Variants in CCDC178 observed in about 807,000 individuals in gnomAD.
The protein encoded by CCDC178 is coiled-coil domain containing 178.
Under a neutral mutation model 117.4 loss-of-function variants are expected in CCDC178, and 126 were observed. The observed-to-expected ratio is 1.07, with a 90% CI of 0.93 to 1.24. The LOEUF (loss-of-function observed/expected upper bound fraction) is 1.24, where lower values mean the gene tolerates loss of function less well. Ranked by LOEUF, CCDC178 falls within the 50% of genes most tolerant of loss-of-function variation. The probability of loss-of-function intolerance (pLI) is 0.00; values close to 1 mark genes in which losing one functional copy is unlikely to be tolerated. For synonymous variants in CCDC178, 283 were observed against 313.4 expected (o/e 0.90, Z 1.02); for missense variants, 1,030 against 986.9 (o/e 1.04, Z -0.59).
At position 33,031,404 on chromosome 18, in the gene CCDC178, C is replaced by A. The variant is rs150326616; in HGVS notation, c.2389-56723G>T. 5.7e-4 allele frequency among the ~76,000 whole-genome samples: 87 copies of A among 152,046 alleles called. 1 individual carries two copies. The highest frequency in any genetic ancestry group is 8.2e-4 in the Non-Finnish European group (56 of 67,956). On this transcript the variant is annotated intron_variant, in intron 21 of 22. Transcript: ENST00000383096. Reference sequence around the variant, plus strand: ...TAGGAATACAGGTGCATACCCTCCACGCAGCTGCTAGATTTATTTTCTTAG... The same window carrying A: ...TAGGAATACAGGTGCATACCCTCCAAGCAGCTGCTAGATTTATTTTCTTAG...
At chr18:33,435,940 A>C (rs746838611) in intron 2 of CCDC178, among the ~76,000 whole-genome samples, 9 of 152,166 alleles carry the variant, frequency 5.9e-5, no homozygotes, top group Admixed American at 3.3e-4. Flanking sequence ...AGGACCACTG[A>C]AACTTCACAT....
chr18:33,093,744 T>C (rs534038579), intron 20 of CCDC178, among the ~76,000 whole-genome samples: 7 of 152,068 alleles, frequency 4.6e-5, no homozygotes, highest in Admixed American at 3.3e-4. Flanking sequence ...TATTTATCAA[T>C]AGCTCTAAAT....
chr18:33,216,736 T>C (rs2059170160), intron 18 of CCDC178, among the ~76,000 whole-genome samples: 1 of 152,094 alleles, frequency 6.6e-6, no homozygotes, highest in African/African-American at 2.4e-5. Context: ...TCCTGCTTTG[T>C]TTCCTTCCTT....
chr18:33,243,236 A>G (rs1408398774), intron 15 of CCDC178, among the ~76,000 whole-genome samples: 1 of 151,878 alleles, frequency 6.6e-6, no homozygotes, highest in Non-Finnish European at 1.5e-5. Flanking sequence ...AACAGAGAAT[A>G]CTGAAAAGTG....
rs34250187 is a variant in CCDC178 at position 33,024,809 on chromosome 18, ATTTT to A, written c.2389-50132_2389-50129del. 4.3e-3 allele frequency among the ~76,000 whole-genome samples: 598 copies of A among 139,484 alleles called. 3 individuals carry two copies. Among genetic ancestry groups the A allele is most frequent in the Middle Eastern group, 0.015 (4 of 272 alleles). 91.5% of individuals were successfully genotyped at this position (139,484 alleles called of 152,430 possible). On this transcript the variant is annotated intron_variant, in intron 21 of 22. Transcript: ENST00000383096. ...CAGGTGCCTGCTACCATGCTCAGCT[ATTTT>A]TTTTTTTTTTTGTATTTTTAGTAGA...
At chr18:33,059,695 T>G (rs538611496) in intron 21 of CCDC178, among the ~76,000 whole-genome samples, 11 of 152,284 alleles carry the variant, frequency 7.2e-5, no homozygotes, top group Admixed American at 1.3e-4. Flanking sequence ...CAGTATAAAC[T>G]GTCAGTACCT....
chr18:33,235,298 T>A (rs1186028680), intron 15 of CCDC178, among the ~76,000 whole-genome samples: 1 of 152,092 alleles, frequency 6.6e-6, no homozygotes, highest in Non-Finnish European at 1.5e-5. Context: ...CCACCCCCAG[T>A]ATGATTATTT....
At chr18:33,287,445 T>A (rs550260281) in intron 12 of CCDC178, among the ~76,000 whole-genome samples, 1 of 152,264 alleles carries the variant, frequency 6.6e-6, no homozygotes, top group South Asian at 2.1e-4. Flanking sequence ...TTAAAAAATA[T>A]CACTAACCTT....
intron 12 of CCDC178, among the ~76,000 whole-genome samples, chr18:33,284,830 T>C (rs1360522945): frequency 1.3e-5 from 2 of 151,954 alleles, no homozygotes; most frequent in African/African-American, 4.8e-5. Context: ...AGGAGAGAAA[T>C]TGAAGACAGA....
chr18:33,235,539 T>G (rs1387700389), intron 15 of CCDC178, among the ~76,000 whole-genome samples: 1 of 152,188 alleles, frequency 6.6e-6, no homozygotes, highest in Non-Finnish European at 1.5e-5. Context: ...TAAAATAGGC[T>G]TGAAGAAAAC....
chr18:33,111,602 C>T (rs2145132168), intron 20 of CCDC178, among the ~76,000 whole-genome samples: 1 of 151,702 alleles, frequency 6.6e-6, no homozygotes, highest in South Asian at 2.1e-4. Context: ...ACCTTTTCAC[C>T]TGCTATTTTT....
chr18:33,307,184 T>C (rs1568132746), intron 11 of CCDC178, among the ~76,000 whole-genome samples: 1 of 152,134 alleles, frequency 6.6e-6, no homozygotes, highest in East Asian at 1.9e-4. Context: ...CAGGCAGAGA[T>C]TGGAACAGTT....
intron 2 of CCDC178, among the ~76,000 whole-genome samples, chr18:33,439,055 C>T (rs192717323): frequency 1.1e-4 from 16 of 152,270 alleles, no homozygotes; most frequent in South Asian, 8.3e-4. Context: ...TTGGGACAGG[C>T]AAATTGAACC....
intron 21 of CCDC178, among the ~76,000 whole-genome samples, chr18:32,980,558 G>C (rs1446514240): frequency 2.1e-5 from 2 of 95,968 alleles, no homozygotes; most frequent in African/African-American, 8.1e-5. Context: ...GCGACAGAAC[G>C]AGACTCCGTC....
At chr18:32,961,772 C>T (rs2054708513) in intron 22 of CCDC178, among the ~76,000 whole-genome samples, 1 of 152,118 alleles carries the variant, frequency 6.6e-6, no homozygotes, top group Admixed American at 6.6e-5. Context: ...GTAATGCTTG[C>T]TCCTGGCTGC....
chr18:33,205,857 G>C (rs572123545), intron 20 of CCDC178, among the ~76,000 whole-genome samples: 1 of 152,184 alleles, frequency 6.6e-6, no homozygotes, highest in South Asian at 2.1e-4. Flanking sequence ...ACCACACCCA[G>C]GTAATTTTTG....
intron 21 of CCDC178, among the ~76,000 whole-genome samples, chr18:33,021,925 TA>T (rs2056127970): frequency 6.6e-6 from 1 of 152,214 alleles, no homozygotes; most frequent in Non-Finnish European, 1.5e-5. Flanking sequence ...TATGTGTTTA[TA>T]TTTTTTAAAT....
intron 21 of CCDC178, among the ~76,000 whole-genome samples, chr18:33,047,107 G>A (rs1364578866): frequency 1.3e-5 from 2 of 152,074 alleles, no homozygotes; most frequent in Non-Finnish European, 2.9e-5. Flanking sequence ...ACACACAACT[G>A]TCTCCTGTGT....
intron 21 of CCDC178, among the ~76,000 whole-genome samples, chr18:33,029,582 A>C (rs555638700): frequency 3.3e-5 from 5 of 151,898 alleles, no homozygotes; most frequent in African/African-American, 1.2e-4. Flanking sequence ...TGGTGTTGTA[A>C]GACAGAAAGC....
Sources: allele counts gnomAD v4.1 joint callset (sites outside exome capture counted in the v4.1 genomes callset), GRCh38; gene constraint gnomAD v4.1.1; transcripts MANE v1.5; gene names NCBI Gene and HGNC (gene_info 2026-07-23, HGNC 2026-07-21).